SIRT7: variants seen among roughly 807,000 people sequenced by gnomAD.
SIRT7 encodes sirtuin 7.
Under a neutral mutation model 42.8 loss-of-function variants are expected in SIRT7, and 32 were observed. The ratio of observed to expected loss-of-function variants is 0.75; its 90% CI spans 0.56 to 1.00. The LOEUF (loss-of-function observed/expected upper bound fraction) is 1.00, where lower values mean the gene tolerates loss of function less well. SIRT7 is among the 50% of genes least tolerant of loss of function. SIRT7 has a pLI of 0.00. For missense variants in SIRT7, 553 were observed against 572.2 expected, an observed-to-expected ratio of 0.97 and a Z score of 0.34; for synonymous variants, 297 against 245.2, an observed-to-expected ratio of 1.21 and a Z score of -1.97.
chr17:81,917,801 G>A (rs941493179), intron 2 of SIRT7, 29 bp downstream of exon 2: 40 of 1,407,722 alleles, frequency 2.8e-5, no homozygotes, highest in Non-Finnish European at 2.1e-5. Flanking sequence ...CGAAACCGGG[G>A]GCGCCCGCGC....
chr17:81,912,787 G>T, intron 9 of SIRT7, 173 bp from the exon 10 acceptor site: 1 of 709,340 alleles, frequency 1.4e-6, no homozygotes, highest in Non-Finnish European at 2.4e-6. Context: ...CTGCAGAACG[G>T]ATGTGGGAGA....
chr17:81,914,078 C>A lies in SIRT7; in HGVS notation c.897+9G>T, dbSNP rs1193635540. ...GATCTAAGGACGTGGCTCTCAGCAC[C>A]CGAGTTACCTGCAGGTTCACGATGT... On this transcript the variant is annotated intron_variant, in intron 8 of 9. Coordinates refer to ENST00000328666, the MANE Select transcript of SIRT7 (RefSeq NM_016538.3). 1.9e-6 allele frequency: 3 copies of A among 1,613,208 alleles called. No homozygotes were observed. The highest frequency in any genetic ancestry group is 1.1e-5 in the South Asian group (1 of 91,076).
chr17:81,915,599 T>C lies in SIRT7; in HGVS notation c.407+12A>G. On this transcript the variant is annotated intron_variant, in intron 4 of 9. Coordinates refer to ENST00000328666, the MANE Select transcript of SIRT7 (RefSeq NM_016538.3). ...CCCAGCCTATGTGGGAGGCCATGCC[T>C]GGCCCGCTTACCTAACGCTTCTCCC... is the stretch of plus-strand genomic sequence containing the variant. 1 of 1,613,752 alleles carries C rather than the reference T, an allele frequency of 6.2e-7. No homozygotes were observed.
rs2040742186 is a variant in SIRT7, at chr17:81,913,960, T to G, written c.898-80A>C. 6.5e-7 allele frequency: 1 copy of G among 1,539,932 alleles called. No homozygotes were observed. Among genetic ancestry groups the G allele is most frequent in the Admixed American group, 1.9e-5 (1 of 53,336 alleles). On this transcript the variant is annotated intron_variant, in intron 8 of 9. Transcript: ENST00000328666. This position sits in a 1 kb window ranked among gnomAD's most constrained non-coding sequence, Gnocchi z 5.0. ...CCTGTCAGCCTTGGCCCCTACGGGC[T>G]CAGTCGGTGCTCCCTGAGCACCCAC...
In SIRT7 at chr17:81,913,769, C is replaced by T. The variant is rs764007203; in HGVS notation, c.1004+5G>A. 13 of 1,547,854 alleles carry T rather than the reference C, an allele frequency of 8.4e-6. No homozygotes were observed. In the Admixed American group the frequency reaches 2.0e-4, roughly 23 times the overall value. On this transcript the variant is annotated splice_donor_5th_base_variant and intron_variant, in intron 9 of 9. Coordinates refer to ENST00000328666, the MANE Select transcript of SIRT7 (RefSeq NM_016538.3). This position sits in a 1 kb window ranked among gnomAD's most constrained non-coding sequence, Gnocchi z 5.0. The stretch of plus-strand genomic sequence containing the variant: ...GGAAGCAGGCTGCTGCAGCGGCTCA[C>T]TCACCTGCTATAGGCGGGGATCTCC...
rs567495341 is a variant in SIRT7, at chr17:81,915,657, C to T, written c.361G>A (p.Gly121Ser). The stretch of plus-strand genomic sequence containing the variant: ...AGCAGTGTCCACACTCCATTAGGGC[C>T]CCGGTAGTCTGGGATAGACGCTGCC... ...STAASIPDYRGPNGVWTLLQK... is the reference protein window; with the variant it reads ...STAASIPDYRSPNGVWTLLQK... The change falls in exon 4 of 10, where the codon GGC becomes AGC. Residue 121 changes from glycine (G) to serine (S), a missense_variant. Coordinates refer to ENST00000328666, the MANE Select transcript of SIRT7 (RefSeq NM_016538.3). 8 of 1,613,952 alleles carry T rather than the reference C, an allele frequency of 5.0e-6. No homozygotes were observed. Among genetic ancestry groups the T allele is most frequent in the East Asian group, 2.2e-5 (1 of 44,888 alleles).
chr17:81,913,009 C>T lies in SIRT7; in HGVS notation c.1005-395G>A, dbSNP rs544467420. Reference sequence around the variant, plus strand: ...CTGGGGCAGGTGGACCAGACCCTCTCCCCCTTCCCAGCTGACTAGGGAGGC... The same window carrying T: ...CTGGGGCAGGTGGACCAGACCCTCTTCCCCTTCCCAGCTGACTAGGGAGGC... On this transcript the variant is annotated intron_variant, in intron 9 of 9. Transcript: ENST00000328666. This position sits in a 1 kb window ranked among gnomAD's most constrained non-coding sequence, Gnocchi z 5.0. 1.4e-5 allele frequency: 5 copies of T among 369,122 alleles called. No homozygotes were observed. The highest frequency in any genetic ancestry group is 6.3e-5 in the African/African-American group (3 of 47,432). 22.9% of individuals were successfully genotyped at this position (369,122 alleles called of 1,614,324 possible). A position where few individuals can be genotyped will look rare whatever the true frequency, so the allele number is the denominator to read the frequency against.
intron 3 of SIRT7, 136 bp downstream of exon 3, chr17:81,917,479 A>G: frequency 1.4e-6 from 1 of 729,056 alleles, no homozygotes; most frequent in Non-Finnish European, 2.0e-6. Context: ...GCGTTTAAAA[A>G]GCGTTTACCT....
chr17:81,914,026 G>C lies in SIRT7; in HGVS notation c.897+61C>G. On this transcript the variant is annotated intron_variant, in intron 8 of 9. Transcript: ENST00000328666. The stretch of plus-strand genomic sequence containing the variant: ...CCGCCCTGGTGCATGGGTGTGGGGT[G>C]TCTCTGGCTGTGCGTTCTAAGACCC... 3.1e-6 allele frequency: 5 copies of C among 1,597,986 alleles called. No homozygotes were observed. In the South Asian group the frequency reaches 5.5e-5, roughly 18 times the overall value.
In SIRT7 at chr17:81,915,672, T is replaced by C. The variant is rs764725749; in HGVS notation, c.346A>G (p.Ile116Val). ...TGAGISTAAS[I>V]PDYRGPNGVW... ...CCATTAGGGCCCCGGTAGTCTGGGA[T>C]AGACGCTGCCTGCATGTCGAGAAAA... Residue 116 changes from isoleucine (I) to valine (V), a missense_variant, in exon 4 of 10, where the codon ATC (isoleucine) becomes GTC (valine). Physicochemically the swap from Ile to Val is conservative, Grantham distance 29. Coordinates refer to ENST00000328666, the MANE Select transcript of SIRT7 (RefSeq NM_016538.3). 2.0e-5 allele frequency: 32 copies of C among 1,613,748 alleles called. No individual in the cohort carries two copies. Among genetic ancestry groups the C allele is most frequent in the African/African-American group, 4.0e-5 (3 of 74,936 alleles).
Position 81,914,104 on chromosome 17 carries a change from A to T in SIRT7, c.880T>A (p.Tyr294Asn), listed in dbSNP as rs774159267. The change falls in exon 8 of 10, where the codon TAC (tyrosine) becomes AAC (asparagine). Residue 294 changes from tyrosine (Y) to asparagine (N), a missense_variant. Coordinates refer to ENST00000328666, the MANE Select transcript of SIRT7 (RefSeq NM_016538.3). ...TKPPSRRPKL[Y>N]IVNLQWTPKD... ...CGAGTTACCTGCAGGTTCACGATGT[A>T]AAGCTTCGGCCGCCGGCTAGGGGGC... 6 of 1,613,498 alleles carry T rather than the reference A, an allele frequency of 3.7e-6. No homozygotes were observed. The highest frequency in any genetic ancestry group is 5.1e-6 in the Non-Finnish European group (6 of 1,180,002).
In SIRT7 at chr17:81,913,955, C is replaced by A. The variant is rs896127132; in HGVS notation, c.898-75G>T. On this transcript the variant is annotated intron_variant, in intron 8 of 9. Coordinates refer to ENST00000328666, the MANE Select transcript of SIRT7 (RefSeq NM_016538.3). This position sits in a 1 kb window ranked among gnomAD's most constrained non-coding sequence, Gnocchi z 5.0. Reference sequence around the variant, plus strand: ...GGTGGCCTGTCAGCCTTGGCCCCTACGGGCTCAGTCGGTGCTCCCTGAGCA... The same window carrying A: ...GGTGGCCTGTCAGCCTTGGCCCCTAAGGGCTCAGTCGGTGCTCCCTGAGCA... 1 of 1,533,564 alleles carries A rather than the reference C, an allele frequency of 6.5e-7. No homozygotes were observed. Among genetic ancestry groups the A allele is most frequent in the African/African-American group, 1.4e-5 (1 of 72,900 alleles). 95.0% of individuals were successfully genotyped at this position (1,533,564 alleles called of 1,614,324 possible).
chr17:81,918,005 G>T, intron 1 of SIRT7, 34 bp downstream of exon 1: 1 of 1,385,152 alleles, frequency 7.2e-7, no homozygotes, highest in Non-Finnish European at 9.3e-7. Flanking sequence ...GCGCGGGCCG[G>T]GCATGGCCGG....
chr17:81,915,585 T>A (rs765721172), intron 4 of SIRT7, 26 bp downstream of exon 4: 2 of 1,613,528 alleles, frequency 1.2e-6, no homozygotes. Flanking sequence ...CCAGCCTATG[T>A]GGGAGGCCAT....
Position 81,914,164 on chromosome 17 carries a change from G to C in SIRT7, c.820C>G (p.Leu274Val). 1 of 1,613,624 alleles carries C rather than the reference G, an allele frequency of 6.2e-7. No homozygotes were observed. The highest frequency in any genetic ancestry group is 8.5e-7 in the Non-Finnish European group (1 of 1,180,014). ...CACCAGAGGCGTGGGTACTTCTTTA[G>C]AACCTGTGGAAGCAGACAGACAGAC... ...ILCLGSSLKV[L>V]KKYPRLWCMT... The change falls in exon 8 of 10, where the codon CTA becomes GTA. Residue 274 changes from leucine (L) to valine (V), a missense_variant. Physicochemically the swap from Leu to Val is conservative, Grantham distance 32. Transcript: ENST00000328666.
chr17:81,912,993 G>T, intron 9 of SIRT7: 1 of 375,268 alleles, frequency 2.7e-6, no homozygotes, highest in Non-Finnish European at 5.1e-6. Context: ...GCTGGGGCAG[G>T]TGGACCAGAC....
At position 81,912,636 on chromosome 17, in the gene SIRT7, A is replaced by G. The variant is rs2040701538; in HGVS notation, c.1005-22T>C. ...CCACCTGCCAAAAAGGGAAAGCGGC[A>G]TCAGGCGGGCCTGGGAGCCTCTCGC... On this transcript the variant is annotated intron_variant, in intron 9 of 9. Coordinates refer to ENST00000328666, the MANE Select transcript of SIRT7 (RefSeq NM_016538.3). 3 of 1,604,938 alleles carry G rather than the reference A, an allele frequency of 1.9e-6. No individual in the cohort carries two copies. The South Asian group carries it at 3.3e-5, about 18-fold the overall frequency.
At chr17:81,915,364 G>A in intron 5 of SIRT7, 76 bp downstream of exon 5, 1 of 1,492,366 alleles carries the variant, frequency 6.7e-7, no homozygotes, top group South Asian at 1.2e-5. Context: ...GAGGGCGGGT[G>A]CAGTTAGTTG....
intron 9 of SIRT7, chr17:81,912,930 C>T (rs1054567152): frequency 9.1e-6 from 4 of 440,078 alleles, no homozygotes; most frequent in Admixed American, 3.7e-5. Flanking sequence ...GGGCTGCCTC[C>T]GTCTCCAGGG....
Sources: allele counts gnomAD v4.1 joint callset, GRCh38; gene constraint gnomAD v4.1.1; non-coding constraint Gnocchi (gnomAD v3.1); transcripts MANE v1.5; gene names NCBI Gene and HGNC (gene_info 2026-07-23, HGNC 2026-07-21).